Variants in AVEN observed in about 807,000 individuals in gnomAD.
The protein encoded by AVEN is cell death regulator Aven.
AVEN carries 41 observed loss-of-function variants against 38.1 expected under a neutral mutation model. The observed-to-expected ratio is 1.08, with a 90% CI of 0.84 to 1.40. The LOEUF (loss-of-function observed/expected upper bound fraction) is 1.40, where lower values mean the gene tolerates loss of function less well. Among genes scored for constraint, AVEN ranks in the 40% most tolerant of loss-of-function variants. AVEN has a pLI of 0.00. For synonymous variants in AVEN, 206 were observed against 171.8 expected, an observed-to-expected ratio of 1.20 and a Z score of -1.56; for missense variants, 605 against 438.8, an observed-to-expected ratio of 1.38 and a Z score of -3.38.
intron 2 of AVEN, among the ~76,000 whole-genome samples, chr15:33,899,191 A>G (rs3889750): frequency 0.64 from 96,684 of 151,700 alleles, 31,115 homozygotes; most frequent in Middle Eastern, 0.73. Flanking sequence ...CCTATGACAC[A>G]GTGAAGAGGC....
intron 2 of AVEN, among the ~76,000 whole-genome samples, chr15:33,976,027 G>A (rs1287189639): frequency 1.3e-5 from 2 of 152,204 alleles, no homozygotes; most frequent in African/African-American, 4.8e-5. Flanking sequence ...GTTGTCCTGA[G>A]TTGTTTCCAG....
chr15:34,009,506 CAGG>C (rs1897545378), intron 1 of AVEN, among the ~76,000 whole-genome samples: 1 of 151,976 alleles, frequency 6.6e-6, no homozygotes, highest in Non-Finnish European at 1.5e-5. Context: ...CAGCTGTCTA[CAGG>C]AGATTCACTT....
rs1223366421 is a variant in AVEN, at chr15:34,038,936, TCTGGCTACCGCCG to T, written c.98_110del (p.Ala33GlufsTer173). 1 of 1,094,124 alleles carries T rather than the reference TCTGGCTACCGCCG, an allele frequency of 9.1e-7. No homozygotes were observed. Among genetic ancestry groups the T allele is most frequent in the Non-Finnish European group, 1.1e-6 (1 of 902,924 alleles). The allele number at this position is 1,094,124 out of a possible 1,614,324, so 67.8% of individuals were successfully genotyped here. On this transcript the variant is annotated frameshift_variant, in exon 1 of 6. Coordinates refer to ENST00000306730, the MANE Select transcript of AVEN (RefSeq NM_020371.3). LOFTEE classifies it high-confidence loss of function. ...CCCCGCCGCCGCCTCCGCCGCCGCCTCTGGCTACCGCCGCTGCGGCTCCGGGCCGCTCGCTGTG... is the reference window on the plus strand; with the variant it reads ...CCCCGCCGCCGCCTCCGCCGCCGCCTCTGCGGCTCCGGGCCGCTCGCTGTG...
At chr15:33,985,282 T>C (rs539331782) in intron 2 of AVEN, among the ~76,000 whole-genome samples, 25 of 139,648 alleles carry the variant, frequency 1.8e-4, no homozygotes, top group African/African-American at 5.7e-4. Context: ...TTAATTTTTG[T>C]TGGTTCCTCA....
intron 2 of AVEN, among the ~76,000 whole-genome samples, chr15:33,959,646 A>G (rs1056386418): frequency 1.3e-5 from 2 of 152,150 alleles, no homozygotes; most frequent in Non-Finnish European, 2.9e-5. Context: ...AGCAACAAGA[A>G]AGGTCAGACA....
intron 1 of AVEN, among the ~76,000 whole-genome samples, chr15:34,006,140 T>C (rs1897329265): frequency 6.6e-6 from 1 of 152,022 alleles, no homozygotes; most frequent in Admixed American, 6.6e-5. Flanking sequence ...TGAAACCCCA[T>C]CTCTACTAAA....
intron 4 of AVEN, among the ~76,000 whole-genome samples, chr15:33,868,149 C>G (rs527528307): frequency 6.6e-6 from 1 of 152,200 alleles, no homozygotes; most frequent in Non-Finnish European, 1.5e-5. Context: ...CTTCCTAGCC[C>G]TGGCCTGAAA....
At chr15:33,934,248 C>G (rs1938244092) in intron 2 of AVEN, among the ~76,000 whole-genome samples, 1 of 151,882 alleles carries the variant, frequency 6.6e-6, no homozygotes, top group Non-Finnish European at 1.5e-5. Context: ...ATAGTCCCAG[C>G]TACTCAGGAG....
chr15:33,863,788 C>G (rs544267873), downstream of AVEN, among the ~76,000 whole-genome samples: 7 of 152,138 alleles, frequency 4.6e-5, no homozygotes, highest in Admixed American at 3.9e-4. Flanking sequence ...GATAAATGGC[C>G]TGTTAAATAT....
At chr15:33,893,564 G>A (rs1324472216) in intron 2 of AVEN, among the ~76,000 whole-genome samples, 6 of 152,168 alleles carry the variant, frequency 3.9e-5, no homozygotes. Flanking sequence ...AAGCAAAGTA[G>A]TATTTTCCTG....
chr15:33,959,197 A>G (rs901850667), intron 2 of AVEN, among the ~76,000 whole-genome samples: 3 of 152,134 alleles, frequency 2.0e-5, no homozygotes, highest in Admixed American at 6.5e-5. Flanking sequence ...GCTTCCTGTC[A>G]TCAAACCCAA....
At chr15:33,951,295 T>C (rs1894735262) in intron 2 of AVEN, among the ~76,000 whole-genome samples, 1 of 152,152 alleles carries the variant, frequency 6.6e-6, no homozygotes, top group Non-Finnish European at 1.5e-5. Flanking sequence ...CTAAAGTAAT[T>C]TATTAACAAT....
chr15:33,993,719 G>A lies in AVEN; in HGVS notation c.445+9313C>T, dbSNP rs569208350. ...TACTGCCAACACCACACCTGCTACC[G>A]GGCCCTCCTCAATCATTACACCTCA... On this transcript the variant is annotated intron_variant, in intron 2 of 5. Transcript: ENST00000306730. Among the ~76,000 whole-genome samples the A allele has an allele frequency of 2.4e-4, 37 of 152,162 alleles. No homozygotes were observed. In the South Asian group the frequency reaches 2.7e-3, roughly 11 times the overall value.
intron 1 of AVEN, among the ~76,000 whole-genome samples, chr15:34,017,001 C>G (rs1442841869): frequency 9.2e-6 from 1 of 109,108 alleles, no homozygotes; most frequent in African/African-American, 2.6e-5. Flanking sequence ...CATGGTGGCA[C>G]ATCCCTGTAG....
intron 2 of AVEN, among the ~76,000 whole-genome samples, chr15:33,999,595 T>C (rs940856507): frequency 1.3e-5 from 2 of 152,184 alleles, no homozygotes; most frequent in African/African-American, 4.8e-5. Flanking sequence ...ACGTATCTTT[T>C]TCTCTCATAC....
At chr15:33,991,585 TTAGA>T (rs1454230214) in intron 2 of AVEN, 1 of 151,752 alleles carries the variant, frequency 6.6e-6, no homozygotes, top group Non-Finnish European at 1.5e-5. Context: ...TTGGGATGAC[TTAGA>T]TAATGTGACC....
chr15:34,065,902 C>CT (rs1216507799), intron 4 of AVEN: 2 of 152,068 alleles, frequency 1.3e-5, no homozygotes, highest in Non-Finnish European at 2.9e-5. Flanking sequence ...AGGCCGGGTC[C>CT]TTTTCAGTCT....
intron 2 of AVEN, among the ~76,000 whole-genome samples, chr15:33,959,736 G>A (rs550341136): frequency 6.6e-6 from 1 of 151,488 alleles, no homozygotes; most frequent in Non-Finnish European, 1.5e-5. Context: ...ACATTATAAG[G>A]AGTAAAGCAT....
At chr15:33,973,374 TACAAC>T (rs2140501606) in intron 2 of AVEN, among the ~76,000 whole-genome samples, 1 of 152,306 alleles carries the variant, frequency 6.6e-6, no homozygotes, top group Non-Finnish European at 1.5e-5. Flanking sequence ...TATAACATAG[TACAAC>T]TCTTAATATT....
Sources: gnomAD v4.1 joint callset for allele counts (sites outside exome capture counted in the v4.1 genomes callset) on GRCh38, gnomAD v4.1.1 for gene constraint, MANE v1.5 for transcripts, NCBI Gene and HGNC (gene_info 2026-07-23, HGNC 2026-07-21) for gene names.